Variants in CLEC9A observed in about 807,000 individuals in gnomAD.
The protein encoded by CLEC9A is C-type lectin domain family 9 member A.
CLEC9A carries 24 observed loss-of-function variants against 30.0 expected under a neutral mutation model. The observed-to-expected ratio is 0.80, with a 90% CI of 0.58 to 1.13. The LOEUF is 1.13. Ranked by LOEUF, CLEC9A falls within the 50% of genes most tolerant of loss-of-function variation. The pLI, the probability that CLEC9A is intolerant of heterozygous loss-of-function variation, is 0.00. For synonymous variants in CLEC9A, 111 were observed against 96.8 expected, an observed-to-expected ratio of 1.15 and a Z score of -0.86; for missense variants, 251 against 280.9, an observed-to-expected ratio of 0.89 and a Z score of 0.76.
At chr12:10,056,928 A>G (rs1284693984) in intron 5 of CLEC9A, among the ~76,000 whole-genome samples, 2 of 152,142 alleles carry the variant, frequency 1.3e-5, no homozygotes, top group Non-Finnish European at 2.9e-5. Context: ...ATATACTTAC[A>G]AAACTTAAAT....
chr12:10,057,003 T>G (rs1365522401), intron 5 of CLEC9A, among the ~76,000 whole-genome samples: 1 of 152,136 alleles, frequency 6.6e-6, no homozygotes, highest in Non-Finnish European at 1.5e-5. Context: ...TAATTTTTAT[T>G]GTTGTTGTTT....
chr12:10,063,138 C>T lies in CLEC9A; in HGVS notation c.403C>T (p.His135Tyr). ...YYVSEIWSIW[H>Y]TSQENCLKEG... ...TGTCTCTGAAATTTGGAGCATTTGG[C>T]ACACCAGTCAAGAGAATTGTTTAAA... Residue 135 changes from histidine to tyrosine, a missense_variant, in exon 7 of 9, where the codon CAC becomes TAC. His to Tyr is a moderately conservative substitution (Grantham distance 83). Coordinates refer to ENST00000355819, the MANE Select transcript of CLEC9A (RefSeq NM_207345.4). 1.2e-6 allele frequency: 2 copies of T among 1,612,094 alleles called. No homozygotes were observed. Among genetic ancestry groups the T allele is most frequent in the Non-Finnish European group, 1.7e-6 (2 of 1,179,248 alleles).
chr12:10,049,052 T>C (rs1404802231), intron 2 of CLEC9A, among the ~76,000 whole-genome samples: 1 of 152,176 alleles, frequency 6.6e-6, no homozygotes, highest in Non-Finnish European at 1.5e-5. Flanking sequence ...GGAGGCTGTG[T>C]TAGCAGGAAT....
intron 1 of CLEC9A, among the ~76,000 whole-genome samples, chr12:10,035,762 G>A (rs1165683237): frequency 6.6e-6 from 1 of 152,114 alleles, no homozygotes; most frequent in Non-Finnish European, 1.5e-5. Flanking sequence ...CTACAGGCGT[G>A]CGCCACCACA....
At chr12:10,044,544 A>G (rs998128524) in intron 2 of CLEC9A, among the ~76,000 whole-genome samples, 1 of 151,836 alleles carries the variant, frequency 6.6e-6, no homozygotes, top group African/African-American at 2.4e-5. Flanking sequence ...AGACTTTTGC[A>G]TTTGCTATTT....
intron 3 of CLEC9A, 33 bp from the exon 4 acceptor site, chr12:10,052,597 C>A: frequency 6.5e-7 from 1 of 1,538,168 alleles, no homozygotes; most frequent in Non-Finnish European, 8.8e-7. Context: ...TAACCAATTT[C>A]AGTTCTTACA....
intron 1 of CLEC9A, among the ~76,000 whole-genome samples, chr12:10,037,340 G>C (rs1055451996): frequency 6.6e-6 from 1 of 151,974 alleles, no homozygotes; most frequent in African/African-American, 2.4e-5. Flanking sequence ...ATAATTATTG[G>C]CTATTTTACA....
chr12:10,048,023 G>T (rs1309207231), intron 2 of CLEC9A, among the ~76,000 whole-genome samples: 1 of 151,788 alleles, frequency 6.6e-6, no homozygotes, highest in Non-Finnish European at 1.5e-5. Context: ...CATGAGGTCA[G>T]GAGATCGAGA....
intron 5 of CLEC9A, among the ~76,000 whole-genome samples, chr12:10,055,192 A>G (rs1180241524): frequency 6.6e-6 from 1 of 152,206 alleles, no homozygotes; most frequent in African/African-American, 2.4e-5. Flanking sequence ...ATAAAGTTTC[A>G]CAGCTTAACA....
In CLEC9A at chr12:10,064,729, T is replaced by G. The variant is rs747785267; in HGVS notation, c.472-3T>G. 1.2e-6 allele frequency: 2 copies of G among 1,610,750 alleles called. No individual in the cohort carries two copies. The highest frequency in any genetic ancestry group is 1.7e-6 in the Non-Finnish European group (2 of 1,178,396). ...ATTTCACAGTTCAATTTTTGTCTCA[T>G]AGGATTTTATCACTGGCAGCTTGAG... On this transcript the variant is annotated splice_polypyrimidine_tract_variant and splice_region_variant and intron_variant, in intron 7 of 8. Transcript: ENST00000355819.
intron 6 of CLEC9A, among the ~76,000 whole-genome samples, chr12:10,062,222 TTA>T (rs1445470802): frequency 6.6e-6 from 1 of 152,226 alleles, no homozygotes; most frequent in Non-Finnish European, 1.5e-5. Flanking sequence ...TTGAAGAGCT[TTA>T]AACAACTTAA....
intron 3 of CLEC9A, 113 bp from the exon 4 acceptor site, chr12:10,052,517 A>G (rs1352751593): frequency 7.7e-7 from 1 of 1,303,282 alleles, no homozygotes; most frequent in Non-Finnish European, 9.8e-7. Context: ...ATAAACTTCC[A>G]CTTTCTGAAT....
In CLEC9A at chr12:10,052,472, C is replaced by T. The variant is rs561573159; in HGVS notation, c.-58-158C>T. The T allele has an allele frequency of 1.2e-5, 15 of 1,237,664 alleles. No individual in the cohort carries two copies. In the Admixed American group the frequency reaches 5.2e-4, roughly 43 times the overall value. The allele number at this position is 1,237,664 out of a possible 1,614,324, so 76.7% of individuals were successfully genotyped here. The stretch of plus-strand genomic sequence containing the variant: ...TTCTAAATTCAGTTCTCTCTCATTT[C>T]CTTTTTCACCAAGTTGTGTTTTGGC... On this transcript the variant is annotated intron_variant, in intron 3 of 8. Coordinates refer to ENST00000355819, the MANE Select transcript of CLEC9A (RefSeq NM_207345.4).
At chr12:10,051,936 G>C (rs1031478923) in intron 2 of CLEC9A, 55 bp from the exon 3 acceptor site, 3 of 152,156 alleles carry the variant, frequency 2.0e-5, no homozygotes, top group Non-Finnish European at 2.9e-5. Context: ...TGCTATTCTA[G>C]GTTATAGCTT....
intron 1 of CLEC9A, among the ~76,000 whole-genome samples, chr12:10,038,607 C>A (rs915664527): frequency 2.6e-5 from 4 of 152,240 alleles, no homozygotes; most frequent in Admixed American, 2.0e-4. Flanking sequence ...GGTTTAACAA[C>A]AACAACAAAA....
intron 4 of CLEC9A, among the ~76,000 whole-genome samples, chr12:10,053,805 A>G (rs1040478058): frequency 6.6e-6 from 1 of 152,168 alleles, no homozygotes; most frequent in African/African-American, 2.4e-5. Context: ...TCGTCTTCCA[A>G]AAAATGTATA....
intron 1 of CLEC9A, among the ~76,000 whole-genome samples, chr12:10,031,223 G>T (rs377556556): frequency 6.6e-6 from 1 of 152,178 alleles, no homozygotes; most frequent in Non-Finnish European, 1.5e-5. Flanking sequence ...GCAAGTGGAG[G>T]GGAAGGCTGG....
intron 7 of CLEC9A, among the ~76,000 whole-genome samples, chr12:10,064,451 C>T (rs1308548027): frequency 6.6e-6 from 1 of 152,094 alleles, no homozygotes; most frequent in East Asian, 1.9e-4. Context: ...ATAACACTTT[C>T]TTTTTTTGAC....
At chr12:10,053,516 C>T (rs1467999785) in intron 4 of CLEC9A, among the ~76,000 whole-genome samples, 2 of 151,956 alleles carry the variant, frequency 1.3e-5, no homozygotes, top group African/African-American at 4.8e-5. Flanking sequence ...CAATATCCTA[C>T]CTCTCATTTA....
Sources: allele counts gnomAD v4.1 joint callset (sites outside exome capture counted in the v4.1 genomes callset), GRCh38; gene constraint gnomAD v4.1.1; transcripts MANE v1.5; gene names NCBI Gene and HGNC (gene_info 2026-07-23, HGNC 2026-07-21).